Variants in PSAP observed in about 807,000 individuals in gnomAD.
PSAP encodes the protein prosaposin.
Under a neutral mutation model 66.0 loss-of-function variants are expected in PSAP, and 25 were observed. The observed-to-expected ratio is 0.38, with a 90% confidence interval of 0.28 to 0.53. The LOEUF (loss-of-function observed/expected upper bound fraction) is 0.53, where lower values mean the gene tolerates loss of function less well. PSAP is among the 20% of genes least tolerant of loss of function. PSAP has a pLI of 0.83. For missense variants in PSAP, 649 were observed against 668.8 expected (o/e 0.97, Z 0.33); for synonymous variants, 273 against 258.9 (o/e 1.05, Z -0.52).
intron 7 of PSAP, chr10:71,823,793 G>T: frequency 1.1e-6 from 1 of 891,270 alleles, no homozygotes; most frequent in Non-Finnish European, 1.6e-6. Context: ...CCTTGTATCT[G>T]TCAGAGCTAA....
At position 71,836,732 on chromosome 10, in the gene PSAP, C is replaced by G. The variant is rs142028089; in HGVS notation, c.41-2227G>C. ...AATGCTCATCCAGTGTAATGTCCAC[C>G]CAGCTACTTTCTCCAGCCCTCTCAG... On this transcript the variant is annotated intron_variant, in intron 1 of 13. Transcript: ENST00000394936. Among the ~76,000 whole-genome samples, 48 of 152,298 alleles carry G rather than the reference C, an allele frequency of 3.2e-4. No individual in the cohort carries two copies. In the East Asian group the frequency reaches 7.5e-3, roughly 24 times the overall value.
At chr10:71,834,964 C>A (rs954961500) in intron 1 of PSAP, among the ~76,000 whole-genome samples, 3 of 152,006 alleles carry the variant, frequency 2.0e-5, no homozygotes, top group Non-Finnish European at 4.4e-5. Context: ...AGGCTGGGCA[C>A]GGTGGCTCAC....
At chr10:71,830,920 C>T (rs1842498470) in intron 4 of PSAP, among the ~76,000 whole-genome samples, 1 of 152,216 alleles carries the variant, frequency 6.6e-6, no homozygotes, top group East Asian at 1.9e-4. Context: ...CCAGCAGCCG[C>T]ACCCTCGCTA....
At position 71,820,259 on chromosome 10, in the gene PSAP, A is replaced by G. The variant is rs1180848084; in HGVS notation, c.986T>C (p.Ile329Thr). The G allele has an allele frequency of 8.1e-6, 13 of 1,613,830 alleles. No individual in the cohort carries two copies. Among genetic ancestry groups the G allele is most frequent in the Non-Finnish European group, 1.1e-5 (13 of 1,179,826 alleles). Residue 329 changes from isoleucine (I) to threonine (T), a missense_variant, in exon 9 of 14, where the codon ATT becomes ACT. Transcript: ENST00000394936. ...GCATACCTCAGTCTTGTTGTTGTCAATCAGCTTGGTCACCTCCTTCACCAG... is the reference window on the plus strand; with the variant it reads ...GCATACCTCAGTCTTGTTGTTGTCAGTCAGCTTGGTCACCTCCTTCACCAG... ...EFLVKEVTKLIDNNKTEKEIL... is the reference protein window; with the variant it reads ...EFLVKEVTKLTDNNKTEKEIL...
chr10:71,841,878 C>G (rs994315344), intron 1 of PSAP, among the ~76,000 whole-genome samples: 2 of 151,986 alleles, frequency 1.3e-5, no homozygotes, highest in Admixed American at 6.6e-5. Flanking sequence ...TGGTGGCACA[C>G]ACCTGTGGTC....
chr10:71,820,106 T>G, intron 9 of PSAP, 134 bp downstream of exon 9: 1 of 963,038 alleles, frequency 1.0e-6, no homozygotes, highest in East Asian at 2.5e-5. Flanking sequence ...GAGGATTGCC[T>G]TCCACGAGAT....
chr10:71,821,695 C>G (rs1006186124), intron 8 of PSAP, among the ~76,000 whole-genome samples, 181 bp downstream of exon 8: 1 of 152,180 alleles, frequency 6.6e-6, no homozygotes, highest in Non-Finnish European at 1.5e-5. Flanking sequence ...CAAAAGAACT[C>G]AGGGTCGGGG....
In PSAP at chr10:71,825,420, C is replaced by T. The variant is rs370136587; in HGVS notation, c.777+417G>A. ...TTACCAGCTCAAGCAGCAGCTTCAG[C>T]GGACGCTGCTGCCATGCACGGGACA... On this transcript the variant is annotated intron_variant, in intron 7 of 13. Coordinates refer to ENST00000394936, the MANE Select transcript of PSAP (RefSeq NM_002778.4). 4.9e-4 allele frequency among the ~76,000 whole-genome samples: 74 copies of T among 152,376 alleles called. 1 individual carries two copies. In the East Asian group the frequency reaches 0.011, roughly 23 times the overall value.
chr10:71,851,046 C>T (rs889981904), intron 1 of PSAP, 136 bp downstream of exon 1: 2 of 1,023,628 alleles, frequency 2.0e-6, no homozygotes, highest in Non-Finnish European at 2.9e-6. Flanking sequence ...AGCCAGCGAA[C>T]GCGCCTGCGC....
intron 5 of PSAP, 91 bp from the exon 6 acceptor site, chr10:71,828,248 C>A (rs1842433351): frequency 7.3e-7 from 1 of 1,372,352 alleles, no homozygotes; most frequent in Admixed American, 1.7e-5. Flanking sequence ...CATTAGGGGG[C>A]ACTTGCTGAC....
chr10:71,842,144 G>A (rs888214648), intron 1 of PSAP, among the ~76,000 whole-genome samples: 13 of 152,170 alleles, frequency 8.5e-5, no homozygotes, highest in African/African-American at 3.1e-4. Context: ...CAGGGGGTGA[G>A]GGCAAAATCC....
At chr10:71,834,300 A>C (rs1202748023) in intron 2 of PSAP, 72 bp downstream of exon 2, 10 of 1,605,576 alleles carry the variant, frequency 6.2e-6, no homozygotes, top group African/African-American at 4.0e-5. Flanking sequence ...TCAATATGGC[A>C]GTGAGTTACA....
In PSAP at chr10:71,829,328, C is replaced by T. The variant is rs750738932; in HGVS notation, c.376-251G>A. Among the ~76,000 whole-genome samples the T allele has an allele frequency of 5.9e-5, 9 of 152,190 alleles. No individual in the cohort carries two copies. In the South Asian group the frequency reaches 6.2e-4, roughly 10 times the overall value. On this transcript the variant is annotated intron_variant, in intron 4 of 13. Transcript: ENST00000394936. ...ATGATGCAGTTTGGCTGTGTCCCCA[C>T]CCAAATCTCATCTTGAACTGTAGCT...
At chr10:71,820,015 C>T (rs904386506) in intron 9 of PSAP, 115 bp from the exon 10 acceptor site, 1 of 1,029,264 alleles carries the variant, frequency 9.7e-7, no homozygotes, top group African/African-American at 1.6e-5. Flanking sequence ...CCGTTTCCAC[C>T]CACAAAAAAC....
In PSAP at chr10:71,819,020, G is replaced by C. The variant is rs374937004; in HGVS notation, c.1431+11C>G. 2.4e-5 allele frequency: 38 copies of C among 1,612,970 alleles called. No individual in the cohort carries two copies. Among genetic ancestry groups the C allele is most frequent in the Non-Finnish European group, 3.1e-5 (37 of 1,178,986 alleles). ...CTGCCCGAGAGGACCACACCACCCA[G>C]TGAGGCTCACCAAGCACACGAAGGA... On this transcript the variant is annotated intron_variant, in intron 12 of 13. Coordinates refer to ENST00000394936, the MANE Select transcript of PSAP (RefSeq NM_002778.4).
At chr10:71,832,022 G>A in intron 2 of PSAP, 102 bp from the exon 3 acceptor site, 1 of 1,191,108 alleles carries the variant, frequency 8.4e-7, no homozygotes, top group Non-Finnish European at 1.2e-6. Flanking sequence ...TCTAACCAGG[G>A]ATATGATCAT....
rs3878001 is a variant in PSAP, at chr10:71,834,601, C to T, written c.41-96G>A. On this transcript the variant is annotated intron_variant, in intron 1 of 13. Transcript: ENST00000394936. The stretch of plus-strand genomic sequence containing the variant: ...AGGGCTGAGGGCGACTGTCCTTGAG[C>T]TGGACTCTGCTACTCAGCCCCTCAC... 737,915 of 1,499,208 alleles carry T rather than the reference C, an allele frequency of 0.49. 189,465 individuals are homozygous for T. Among genetic ancestry groups the T allele is most frequent in the Non-Finnish European group, 0.53 (584,341 of 1,103,840 alleles). The allele number at this position is 1,499,208 out of a possible 1,614,324, so 92.9% of individuals were successfully genotyped here.
At chr10:71,832,915 G>T (rs2133050588) in intron 2 of PSAP, among the ~76,000 whole-genome samples, 1 of 151,646 alleles carries the variant, frequency 6.6e-6, no homozygotes, top group East Asian at 1.9e-4. Flanking sequence ...TACTTGGCAG[G>T]CTGAGGCAGA....
At chr10:71,827,405 G>GAA (rs56103602) in intron 6 of PSAP, among the ~76,000 whole-genome samples, 53,967 of 129,014 alleles carry the variant, frequency 0.42, 11,143 homozygotes, top group Middle Eastern at 0.53. Flanking sequence ...TCTCAAAAAA[G>GAA]AAAAAAAAAA....
Sources: allele counts gnomAD v4.1 joint callset (sites outside exome capture counted in the v4.1 genomes callset), GRCh38; gene constraint gnomAD v4.1.1; transcripts MANE v1.5; gene names NCBI Gene and HGNC (gene_info 2026-07-23, HGNC 2026-07-21).